The following ARB2A variants were observed in gnomAD, a reference collection of about 807,000 sequenced individuals.
ARB2A encodes cotranscriptional regulator ARB2A.
chr5:93,844,835 G>T, the ARB2A span, among the ~76,000 whole-genome samples: 1 of 152,132 alleles, frequency 6.6e-6, no homozygotes, highest in Non-Finnish European at 1.5e-5. Flanking sequence ...TACCTAATGA[G>T]CCGGACCTGG....
chr5:93,777,729 T>C, the ARB2A span, among the ~76,000 whole-genome samples: 1 of 152,230 alleles, frequency 6.6e-6, no homozygotes, highest in Non-Finnish European at 1.5e-5. Flanking sequence ...TGTGGAAAGA[T>C]CCTTGACTGG....
chr5:93,686,651 T>A, the ARB2A span, among the ~76,000 whole-genome samples: 1 of 152,336 alleles, frequency 6.6e-6, no homozygotes, highest in Non-Finnish European at 1.5e-5. Flanking sequence ...TTTCCTAATC[T>A]GCTAGGCCCC....
the ARB2A span, among the ~76,000 whole-genome samples, chr5:93,729,551 T>C: frequency 6.6e-6 from 1 of 152,248 alleles, no homozygotes; most frequent in East Asian, 1.9e-4. Flanking sequence ...GAGTATTACA[T>C]ATGGTCTACA....
At chr5:93,915,548 C>T in the ARB2A span, among the ~76,000 whole-genome samples, 1 of 151,800 alleles carries the variant, frequency 6.6e-6, no homozygotes, top group Non-Finnish European at 1.5e-5. Context: ...GGGTCCAAAA[C>T]ACAGGTTCAT....
At chr5:93,776,192 A>T in the ARB2A span, 1 of 1,610,972 alleles carries the variant, frequency 6.2e-7, no homozygotes, top group Non-Finnish European at 8.5e-7. Context: ...GGTAGCATGG[A>T]CTCCACTGAT....
the ARB2A span, among the ~76,000 whole-genome samples, chr5:93,994,249 G>C: frequency 6.6e-6 from 1 of 152,132 alleles, no homozygotes; most frequent in African/African-American, 2.4e-5. Flanking sequence ...CAATAGCCAA[G>C]ATATGTAAAT....
chr5:94,009,888 T>C, the ARB2A span, among the ~76,000 whole-genome samples: 2 of 151,882 alleles, frequency 1.3e-5, no homozygotes, highest in African/African-American at 4.8e-5. Context: ...CCCTCTCTCG[T>C]ATCTAAAAAT....
chr5:94,011,225 T>A, the ARB2A span, among the ~76,000 whole-genome samples: 1 of 152,172 alleles, frequency 6.6e-6, no homozygotes, highest in Non-Finnish European at 1.5e-5. Context: ...TGATTTCTCA[T>A]CTCCTCTTCT....
chr5:93,931,143 T>C, the ARB2A span, among the ~76,000 whole-genome samples: 1 of 152,154 alleles, frequency 6.6e-6, no homozygotes, highest in Non-Finnish European at 1.5e-5. Context: ...TCTTCATCCA[T>C]GTCCCTGCAA....
At chr5:93,907,803 G>A in the ARB2A span, among the ~76,000 whole-genome samples, 2 of 151,200 alleles carry the variant, frequency 1.3e-5, no homozygotes, top group Admixed American at 6.6e-5. Flanking sequence ...TCTTCTAAAT[G>A]GAATGCTTAG....
the ARB2A span, among the ~76,000 whole-genome samples, chr5:93,966,982 T>A: frequency 2.6e-5 from 4 of 151,774 alleles, no homozygotes; most frequent in African/African-American, 9.7e-5. Flanking sequence ...CCATCCTGTC[T>A]ACATCTTTTG....
the ARB2A span, among the ~76,000 whole-genome samples, chr5:93,944,106 G>A: frequency 6.6e-6 from 1 of 151,986 alleles, no homozygotes. Context: ...TACAAAAGGA[G>A]GTCATCTTTG....
At chr5:93,863,130 C>G in the ARB2A span, 1 of 151,924 alleles carries the variant, frequency 6.6e-6, no homozygotes, top group African/African-American at 2.4e-5. Flanking sequence ...GAACAAAGGA[C>G]AGACAGACCA....
the ARB2A span, among the ~76,000 whole-genome samples, chr5:93,833,304 A>T: frequency 6.6e-6 from 1 of 152,240 alleles, no homozygotes; most frequent in Non-Finnish European, 1.5e-5. Context: ...AGTACATTTC[A>T]AAAATGAAAA....
At chr5:93,677,695 GT>G in the ARB2A span, among the ~76,000 whole-genome samples, 1 of 152,144 alleles carries the variant, frequency 6.6e-6, no homozygotes, top group Non-Finnish European at 1.5e-5. Context: ...AAAATAAACT[GT>G]TAATGATGTT....
the ARB2A span, among the ~76,000 whole-genome samples, chr5:93,804,015 A>G: frequency 6.6e-6 from 1 of 151,908 alleles, no homozygotes; most frequent in Admixed American, 6.6e-5. Flanking sequence ...TAACCCATGT[A>G]CTCTATTACC....
At chr5:93,993,687 G>T in the ARB2A span, among the ~76,000 whole-genome samples, 1 of 151,922 alleles carries the variant, frequency 6.6e-6, no homozygotes, top group Non-Finnish European at 1.5e-5. Flanking sequence ...CAACTTTACA[G>T]AAATTAGATA....
chr5:93,720,220 C>T, the ARB2A span, among the ~76,000 whole-genome samples: 1 of 152,288 alleles, frequency 6.6e-6, no homozygotes, highest in Middle Eastern at 3.4e-3. Flanking sequence ...TAAAAATTCC[C>T]TCTATCAAAT....
the ARB2A span, among the ~76,000 whole-genome samples, chr5:93,780,180 G>A: frequency 1.4e-4 from 21 of 152,062 alleles, no homozygotes; most frequent in Non-Finnish European, 2.6e-4. Context: ...TTGTGTCCTC[G>A]GACAAATACA....
Sources: allele counts gnomAD v4.1 joint callset (sites outside exome capture counted in the v4.1 genomes callset), GRCh38; gene constraint gnomAD v4.1.1; transcripts MANE v1.5; gene names NCBI Gene and HGNC (gene_info 2026-07-23, HGNC 2026-07-21).